The following SORCS2 variants were observed in gnomAD, a reference collection of about 807,000 sequenced individuals.
SORCS2 encodes the protein VPS10 domain-containing receptor SorCS2.
SORCS2 carries 100 observed loss-of-function variants against 141.6 expected under a neutral mutation model. The observed-to-expected ratio is 0.71, with a 90% CI of 0.60 to 0.83. SORCS2 has a LOEUF of 0.83. Among genes scored for constraint, SORCS2 ranks in the 40% least tolerant of loss-of-function variants. SORCS2 has a pLI of 0.00. For synonymous variants in SORCS2, 789 were observed against 676.9 expected, an observed-to-expected ratio of 1.17 and a Z score of -2.57; for missense variants, 1,646 against 1,560.2, an observed-to-expected ratio of 1.05 and a Z score of -0.93.
At position 7,334,131 on chromosome 4, in the gene SORCS2, C is replaced by T. The variant is rs73208486; in HGVS notation, c.481-62157C>T. 5.3e-3 allele frequency among the ~76,000 whole-genome samples: 802 copies of T among 152,262 alleles called. 4 individuals carry two copies. The highest frequency in any genetic ancestry group is 9.2e-3 in the Non-Finnish European group (626 of 68,018). ...CCCTCCTCTCAAGAGCCCACGAGGGCGGCACAAGTGAAACGTCCAGGGTGC... is the reference window on the plus strand; with the variant it reads ...CCCTCCTCTCAAGAGCCCACGAGGGTGGCACAAGTGAAACGTCCAGGGTGC... On this transcript the variant is annotated intron_variant, in intron 1 of 26. Transcript: ENST00000507866.
At chr4:7,403,981 A>ATTTTTTTTTTTTTTT (rs1724774542) in intron 2 of SORCS2, among the ~76,000 whole-genome samples, 2 of 16,844 alleles carry the variant, frequency 1.2e-4, no homozygotes, top group South Asian at 1.1e-3. Flanking sequence ...ATATATATAT[A>ATTTTTTTTTTTTTTT]TATATATATA....
rs2109609815 is a variant in SORCS2, at chr4:7,545,542, A to G, written c.648+13913A>G. Among the ~76,000 whole-genome samples, 4 of 152,292 alleles carry G rather than the reference A, an allele frequency of 2.6e-5. 1 individual carries two copies. The Middle Eastern group carries it at 0.01, about 389-fold the overall frequency. ...CCCCAGGACAGTGACTGTGGCCACC[A>G]TGTTAGAGACAAGAACACAGGCTCA... On this transcript the variant is annotated intron_variant, in intron 3 of 26. Coordinates refer to ENST00000507866, the MANE Select transcript of SORCS2 (RefSeq NM_020777.3).
intron 3 of SORCS2, among the ~76,000 whole-genome samples, chr4:7,586,082 G>T (rs1269962429): frequency 6.6e-6 from 1 of 152,144 alleles, no homozygotes; most frequent in Non-Finnish European, 1.5e-5. Flanking sequence ...TAAAGGCATT[G>T]CTCTCTCTTT....
At chr4:7,722,756 C>T (rs143936544) in intron 18 of SORCS2, among the ~76,000 whole-genome samples, 1,972 of 152,334 alleles carry the variant, frequency 0.013, 17 homozygotes, top group Non-Finnish European at 0.019. Flanking sequence ...TGGGGAGACA[C>T]TGACCAGCTC....
intron 12 of SORCS2, among the ~76,000 whole-genome samples, chr4:7,701,814 G>C (rs778280782): frequency 6.6e-6 from 1 of 152,192 alleles, no homozygotes; most frequent in Non-Finnish European, 1.5e-5. Flanking sequence ...GAGGGAAGAC[G>C]GGCGCAGATG....
At chr4:7,255,493 G>A (rs1434566048) in intron 1 of SORCS2, among the ~76,000 whole-genome samples, 2 of 152,096 alleles carry the variant, frequency 1.3e-5, no homozygotes, top group African/African-American at 2.4e-5. Context: ...CTGGGGAGGC[G>A]GCTGTGATGG....
intron 2 of SORCS2, among the ~76,000 whole-genome samples, chr4:7,480,161 A>G (rs56248498): frequency 0.38 from 58,444 of 152,008 alleles, 11,894 homozygotes; most frequent in East Asian, 0.64. Context: ...CAGGGGTCTG[A>G]AGTGTGGTGG....
chr4:7,637,504 T>C (rs578167597), intron 3 of SORCS2, among the ~76,000 whole-genome samples: 1 of 152,342 alleles, frequency 6.6e-6, no homozygotes, highest in South Asian at 2.1e-4. Context: ...TTCACGTTCA[T>C]GGCAGAGGCT....
In SORCS2 at chr4:7,422,637, C is replaced by G. The variant is rs115600996; in HGVS notation, c.548+26282C>G. On this transcript the variant is annotated intron_variant, in intron 2 of 26. Transcript: ENST00000507866. ...TTGCCATCCAGGCCATCTCTCAGACCCACACACTCCTTAGTGTCTCCCTCA... is the reference window on the plus strand; with the variant it reads ...TTGCCATCCAGGCCATCTCTCAGACGCACACACTCCTTAGTGTCTCCCTCA... Among the ~76,000 whole-genome samples the G allele has an allele frequency of 1.2e-3, 182 of 152,164 alleles. 1 individual carries two copies. Among genetic ancestry groups the G allele is most frequent in the African/African-American group, 4.1e-3 (172 of 41,516 alleles).
chr4:7,351,672 C>T (rs1180235158), intron 1 of SORCS2, among the ~76,000 whole-genome samples: 1 of 149,812 alleles, frequency 6.7e-6, no homozygotes, highest in African/African-American at 2.5e-5. Context: ...TCCTCTCCCT[C>T]TCTTCCATCC....
intron 1 of SORCS2, among the ~76,000 whole-genome samples, chr4:7,215,463 C>G (rs1291633623): frequency 6.6e-6 from 1 of 152,250 alleles, no homozygotes; most frequent in Non-Finnish European, 1.5e-5. Flanking sequence ...AGCGCGACCC[C>G]CTGCTCCACG....
At chr4:7,640,048 AGTGTGAGT>A (rs1373112675) in intron 4 of SORCS2, among the ~76,000 whole-genome samples, 8 of 126,100 alleles carry the variant, frequency 6.3e-5, no homozygotes, top group East Asian at 1.3e-3. Context: ...CATGTGTGAG[AGTGTGAGT>A]GTGTGTGTTT....
At chr4:7,733,226 C>T (rs1711847445) in intron 23 of SORCS2, 96 bp from the exon 24 acceptor site, 2 of 853,464 alleles carry the variant, frequency 2.3e-6, no homozygotes, top group East Asian at 3.1e-5. Flanking sequence ...CGTGGAGACC[C>T]CTCACTCCCC....
intron 1 of SORCS2, among the ~76,000 whole-genome samples, chr4:7,329,016 C>T (rs551266532): frequency 2.0e-5 from 3 of 152,318 alleles, no homozygotes; most frequent in East Asian, 1.9e-4. Context: ...CAGGCCCATG[C>T]GGAGCCCTCA....
chr4:7,337,803 G>A (rs953729885), intron 1 of SORCS2, among the ~76,000 whole-genome samples: 1 of 152,204 alleles, frequency 6.6e-6, no homozygotes, highest in Non-Finnish European at 1.5e-5. Flanking sequence ...AGCCGGCCCT[G>A]TGCCTTCCAC....
In SORCS2 at chr4:7,740,670, C is replaced by G. The variant is rs1712599225; in HGVS notation, c.*406C>G. ...CAGACACTGCGTTGCGGGCTCCTTCCCCGCAGAGGCCGGGGCCTCCCTGAC... is the reference window on the plus strand; with the variant it reads ...CAGACACTGCGTTGCGGGCTCCTTCGCCGCAGAGGCCGGGGCCTCCCTGAC... On this transcript the variant is annotated 3_prime_UTR_variant, in exon 27 of 27. Transcript: ENST00000507866. 1 of 278,124 alleles carries G rather than the reference C, an allele frequency of 3.6e-6. No individual in the cohort carries two copies. Among genetic ancestry groups the G allele is most frequent in the African/African-American group, 2.1e-5 (1 of 47,220 alleles). 17.2% of individuals were successfully genotyped at this position (278,124 alleles called of 1,614,324 possible). A position where few individuals can be genotyped will look rare whatever the true frequency, so the allele number is the denominator to read the frequency against.
At chr4:7,340,415 G>A (rs949873174) in intron 1 of SORCS2, among the ~76,000 whole-genome samples, 5 of 152,208 alleles carry the variant, frequency 3.3e-5, no homozygotes, top group African/African-American at 9.6e-5. Context: ...ACCATAGCAG[G>A]GCAGAGCCTC....
At chr4:7,699,706 G>T (rs1025361288) in intron 12 of SORCS2, among the ~76,000 whole-genome samples, 25 of 152,254 alleles carry the variant, frequency 1.6e-4, no homozygotes, top group African/African-American at 5.5e-4. Context: ...TTATCCACGA[G>T]GCCCCTCTCC....
At chr4:7,609,127 T>C (rs761883379) in intron 3 of SORCS2, among the ~76,000 whole-genome samples, 2 of 152,146 alleles carry the variant, frequency 1.3e-5, no homozygotes, top group Non-Finnish European at 2.9e-5. Flanking sequence ...GGGGTCAGAC[T>C]CTACTCACTG....
Sources: allele counts gnomAD v4.1 joint callset (sites outside exome capture counted in the v4.1 genomes callset), GRCh38; gene constraint gnomAD v4.1.1; transcripts MANE v1.5; gene names NCBI Gene and HGNC (gene_info 2026-07-23, HGNC 2026-07-21).